TIAM1: variants seen among roughly 807,000 people sequenced by gnomAD.
The protein encoded by TIAM1 is TIAM Rac1 associated GEF 1, also known as rho guanine nucleotide exchange factor TIAM1.
TIAM1 carries 65 observed loss-of-function variants against 163.5 expected under a neutral mutation model. The ratio of observed to expected loss-of-function variants is 0.40; its 90% CI spans 0.33 to 0.49. The LOEUF (loss-of-function observed/expected upper bound fraction) is 0.49, where lower values mean the gene tolerates loss of function less well. Among genes scored for constraint, TIAM1 ranks in the 20% least tolerant of loss-of-function variants. TIAM1 has a pLI of 0.77. For synonymous variants in TIAM1, 833 were observed against 810.1 expected, an observed-to-expected ratio of 1.03 and a Z score of -0.48; for missense variants, 1,789 against 2,044.7, an observed-to-expected ratio of 0.87 and a Z score of 2.41.
At chr21:31,451,723 GT>G in intron 2 of TIAM1, among the ~76,000 whole-genome samples, 1 of 36,408 alleles carries the variant, frequency 2.7e-5, no homozygotes, top group East Asian at 3.5e-4. Flanking sequence ...GTGTGCGTGT[GT>G]GTGTGTGTGT....
chr21:31,234,412 G>T (rs2088628967), intron 6 of TIAM1, among the ~76,000 whole-genome samples: 1 of 151,410 alleles, frequency 6.6e-6, no homozygotes. Flanking sequence ...GGGAAGGTGG[G>T]AGAGAAAGCT....
rs1386098276 is a variant in TIAM1, at chr21:31,182,486, G to A, written c.2822C>T (p.Pro941Leu). ...EEGVELLESPPHRVDGPADLG... is the reference protein window; with the variant it reads ...EEGVELLESPLHRVDGPADLG... ...GTCGGCAGGGCCGTCCACTCGGTGG[G>A]GCGGGCTTTCCAGCAGCTCCACTCC... The change falls in exon 15 of 28, where the codon CCC becomes CTC. Residue 941 changes from proline (P) to leucine (L), a missense_variant. Pro to Leu is a moderately conservative substitution (Grantham distance 98, BLOSUM62 -3). Transcript: ENST00000541036. 2 of 1,611,872 alleles carry A rather than the reference G, an allele frequency of 1.2e-6. No homozygotes were observed. Among genetic ancestry groups the A allele is most frequent in the Non-Finnish European group, 1.7e-6 (2 of 1,179,246 alleles).
At chr21:31,496,852 T>C (rs2046675222) in intron 1 of TIAM1, among the ~76,000 whole-genome samples, 1 of 151,848 alleles carries the variant, frequency 6.6e-6, no homozygotes. Context: ...AATTTTTCCA[T>C]GGACTGGGGT....
intron 27 of TIAM1, among the ~76,000 whole-genome samples, chr21:31,121,902 G>C (rs557941672): frequency 6.6e-5 from 10 of 152,302 alleles, no homozygotes; most frequent in African/African-American, 2.4e-4. Context: ...CATTAGACAC[G>C]AAAAGGTGAA....
At chr21:31,322,449 G>C (rs930210916) in intron 2 of TIAM1, among the ~76,000 whole-genome samples, 1 of 66,384 alleles carries the variant, frequency 1.5e-5, no homozygotes, top group Non-Finnish European at 3.7e-5. Flanking sequence ...CTCTATGGGT[G>C]GGGGGGGGTG....
At chr21:31,418,703 G>A (rs1193262813) in intron 2 of TIAM1, among the ~76,000 whole-genome samples, 1 of 152,148 alleles carries the variant, frequency 6.6e-6, no homozygotes, top group Admixed American at 6.5e-5. Context: ...AGGAGACTGA[G>A]AGACAACCTT....
chr21:31,144,567 C>T (rs66846927), intron 20 of TIAM1, among the ~76,000 whole-genome samples: 18,284 of 152,052 alleles, frequency 0.12, 1,290 homozygotes, highest in African/African-American at 0.2. Context: ...GTGGATCACA[C>T]CTGTAATCCG....
chr21:31,199,824 C>T (rs1055909066), intron 12 of TIAM1, among the ~76,000 whole-genome samples: 2 of 151,734 alleles, frequency 1.3e-5, no homozygotes, highest in African/African-American at 4.8e-5. Flanking sequence ...GCCACCATGC[C>T]TGGCCAGCCT....
At chr21:31,392,056 T>C (rs754396404) in intron 2 of TIAM1, among the ~76,000 whole-genome samples, 1 of 152,248 alleles carries the variant, frequency 6.6e-6, no homozygotes, top group Non-Finnish European at 1.5e-5. Context: ...TGTAGGCTAA[T>C]GTAAGTGTTT....
intron 4 of TIAM1, among the ~76,000 whole-genome samples, chr21:31,261,440 G>C (rs992949452): frequency 6.6e-6 from 1 of 152,174 alleles, no homozygotes; most frequent in East Asian, 1.9e-4. Context: ...GGCCGGGTGC[G>C]GTGGCTCACG....
intron 2 of TIAM1, among the ~76,000 whole-genome samples, chr21:31,413,892 C>G (rs567635261): frequency 7.9e-4 from 121 of 152,204 alleles, no homozygotes; most frequent in African/African-American, 2.6e-3. Context: ...CCAGTCCCCC[C>G]GCAACACGAG....
chr21:31,474,997 C>A (rs2045884970), intron 1 of TIAM1, among the ~76,000 whole-genome samples: 2 of 150,392 alleles, frequency 1.3e-5, no homozygotes, highest in South Asian at 4.3e-4. Context: ...TGCAGCCGCT[C>A]CACATATAAG....
At chr21:31,480,595 G>C (rs1246859745) in intron 1 of TIAM1, among the ~76,000 whole-genome samples, 2 of 152,132 alleles carry the variant, frequency 1.3e-5, no homozygotes, top group Non-Finnish European at 1.5e-5. Flanking sequence ...AGGGACACCA[G>C]CCAGCCCTGA....
chr21:31,171,412 CAT>C, intron 15 of TIAM1, among the ~76,000 whole-genome samples: 1 of 152,096 alleles, frequency 6.6e-6, no homozygotes. Context: ...AAAAAGGCAC[CAT>C]AAATACAAGA....
At chr21:31,273,885 G>A (rs190704335) in intron 3 of TIAM1, among the ~76,000 whole-genome samples, 273 of 152,322 alleles carry the variant, frequency 1.8e-3, no homozygotes, top group Non-Finnish European at 3.0e-3. Context: ...TGCTTGCAAT[G>A]CCTGTGCAAG....
chr21:31,352,642 A>G (rs182984337), intron 2 of TIAM1, among the ~76,000 whole-genome samples: 14 of 151,806 alleles, frequency 9.2e-5, no homozygotes, highest in Admixed American at 2.6e-4. Context: ...ACTTGAGGTC[A>G]GGAGTTCAAG....
intron 2 of TIAM1, among the ~76,000 whole-genome samples, chr21:31,459,902 C>T (rs1184406122): frequency 6.6e-6 from 1 of 152,186 alleles, no homozygotes; most frequent in Admixed American, 6.5e-5. Flanking sequence ...ATGGGAAAAA[C>T]GGAGGCTGAG....
At chr21:31,418,520 C>T (rs763856283) in intron 2 of TIAM1, among the ~76,000 whole-genome samples, 69 of 152,068 alleles carry the variant, frequency 4.5e-4, no homozygotes, top group Non-Finnish European at 1.5e-4. Flanking sequence ...AGGGTGTCCA[C>T]TCTCCCCTAC....
intron 2 of TIAM1, among the ~76,000 whole-genome samples, chr21:31,372,467 C>T (rs1314184649): frequency 1.3e-5 from 2 of 152,148 alleles, no homozygotes; most frequent in African/African-American, 4.8e-5. Context: ...TGTGACCAAC[C>T]CCTGCTCAGC....
Sources: gnomAD v4.1 joint callset for allele counts (sites outside exome capture counted in the v4.1 genomes callset) on GRCh38, gnomAD v4.1.1 for gene constraint, MANE v1.5 for transcripts, NCBI Gene and HGNC (gene_info 2026-07-23, HGNC 2026-07-21) for gene names.